The following CDYL variants were observed in gnomAD, a reference collection of about 807,000 sequenced individuals.
The protein encoded by CDYL is chromodomain Y-like protein.
In CDYL, 8 loss-of-function variants were observed where a neutral mutation model predicts 47.3. The observed-to-expected ratio is 0.17, with a 90% confidence interval of 0.10 to 0.31. CDYL has a LOEUF of 0.31. Among genes scored for constraint, CDYL ranks in the 10% least tolerant of loss-of-function variants. The probability of loss-of-function intolerance (pLI) is 1.00; values close to 1 mark genes in which losing one functional copy is unlikely to be tolerated. For missense variants in CDYL, 471 were observed against 701.4 expected (o/e 0.67, Z 3.71); for synonymous variants, 266 against 265.0 (o/e 1.00, Z -0.04).
intron 2 of CDYL, among the ~76,000 whole-genome samples, chr6:4,924,900 C>T (rs1757822170): frequency 6.6e-6 from 1 of 152,146 alleles, no homozygotes; most frequent in Admixed American, 6.5e-5. Context: ...GAAACAGTAG[C>T]ACAATTTCAA....
intron 1 of CDYL, among the ~76,000 whole-genome samples, chr6:4,777,091 G>C (rs1202695143): frequency 6.7e-6 from 1 of 149,516 alleles, no homozygotes; most frequent in African/African-American, 2.5e-5. Flanking sequence ...TGAGCTCAAA[G>C]TGCTCTTGGC....
rs1163515802 is a variant in CDYL, at chr6:4,895,405, ATG to A, written c.691+3028_691+3029del. 0.045 allele frequency among the ~76,000 whole-genome samples: 208 copies of A among 4,670 alleles called. 91 individuals carry two copies. The Non-Finnish European group carries it at 0.67, about 15-fold the overall frequency. 3.1% of individuals were successfully genotyped at this position (4,670 alleles called of 152,430 possible). A position where few individuals can be genotyped will look rare whatever the true frequency, so the allele number is the denominator to read the frequency against. ...TATATGTGCATATATGCATGTATAC[ATG>A]TATACGTATATATGCATGTATACAT... is the stretch of plus-strand genomic sequence containing the variant. On this transcript the variant is annotated intron_variant, in intron 2 of 6. Coordinates refer to ENST00000397588, the MANE Select transcript of CDYL (RefSeq NM_004824.4).
At chr6:4,854,369 C>G (rs1760943094) in intron 1 of CDYL, among the ~76,000 whole-genome samples, 1 of 152,204 alleles carries the variant, frequency 6.6e-6, no homozygotes, top group Non-Finnish European at 1.5e-5. Context: ...TCATACTAGT[C>G]ATGTATTTAC....
intron 2 of CDYL, among the ~76,000 whole-genome samples, chr6:4,901,581 A>G (rs1168348058): frequency 6.6e-6 from 1 of 152,180 alleles, no homozygotes; most frequent in African/African-American, 2.4e-5. Context: ...GAGTGATTTG[A>G]TCAAATCACT....
rs776663806 is a variant in CDYL, at chr6:4,891,920, A to G, written c.232A>G (p.Asn78Asp). The change falls in exon 2 of 7, where the codon AAT (asparagine) becomes GAT (aspartate). Residue 78 changes from asparagine (N) to aspartate (D), a missense_variant. Transcript: ENST00000397588. ...LTRTNRTSPNNARKQISRSTN... is the reference protein window; with the variant it reads ...LTRTNRTSPNDARKQISRSTN... Reference sequence around the variant, plus strand: ...CAGAACAAACAGGACCTCTCCCAACAATGCTAGGAAACAAATCTCCAGATC... The same window carrying G: ...CAGAACAAACAGGACCTCTCCCAACGATGCTAGGAAACAAATCTCCAGATC... The G allele has an allele frequency of 6.2e-7, 1 of 1,614,120 alleles. No homozygotes were observed.
At chr6:4,922,855 G>A (rs1180970955) in intron 2 of CDYL, among the ~76,000 whole-genome samples, 3 of 152,104 alleles carry the variant, frequency 2.0e-5, no homozygotes, top group South Asian at 2.1e-4. Flanking sequence ...GCCCAGCCTC[G>A]GGGTGCGTCT....
At chr6:4,916,312 A>G (rs1757555084) in intron 2 of CDYL, among the ~76,000 whole-genome samples, 1 of 152,216 alleles carries the variant, frequency 6.6e-6, no homozygotes. Flanking sequence ...CTTTTTTACA[A>G]ACTGCATACC....
intron 1 of CDYL, among the ~76,000 whole-genome samples, chr6:4,848,980 A>G (rs1194505889): frequency 6.6e-6 from 1 of 152,270 alleles, no homozygotes; most frequent in Non-Finnish European, 1.5e-5. Context: ...AACAGCAAAG[A>G]TTAAAAAGAT....
intron 1 of CDYL, among the ~76,000 whole-genome samples, chr6:4,857,567 A>G (rs556540035): frequency 5.3e-5 from 8 of 152,314 alleles, no homozygotes; most frequent in Non-Finnish European, 7.3e-5. Context: ...GTCCCTTCAG[A>G]ACAGGTAGAT....
intron 1 of CDYL, among the ~76,000 whole-genome samples, chr6:4,821,257 A>ATTTTTTTTTT (rs1561653727): frequency 8.0e-6 from 1 of 125,482 alleles, no homozygotes; most frequent in African/African-American, 3.2e-5. Context: ...TCATATGGGA[A>ATTTTTTTTTT]TTCTTTTTTT....
rs1200627791 is a variant in CDYL, at chr6:4,919,673, A to G, written c.692-15842A>G. Among the ~76,000 whole-genome samples the G allele has an allele frequency of 2.6e-5, 4 of 152,204 alleles. No homozygotes were observed. The South Asian group carries it at 6.2e-4, about 24-fold the overall frequency. On this transcript the variant is annotated intron_variant, in intron 2 of 6. Transcript: ENST00000397588. ...TACCTCCTTGTATCCCTGTTTCTCCATCCCAGGAGAACTAAAGTGAAGACA... is the reference window on the plus strand; with the variant it reads ...TACCTCCTTGTATCCCTGTTTCTCCGTCCCAGGAGAACTAAAGTGAAGACA...
chr6:4,880,192 C>T (rs1179203701), intron 1 of CDYL, among the ~76,000 whole-genome samples: 1 of 152,134 alleles, frequency 6.6e-6, no homozygotes, highest in Non-Finnish European at 1.5e-5. Context: ...TTTATGTTTC[C>T]TCCTACCCTC....
intron 2 of CDYL, among the ~76,000 whole-genome samples, chr6:4,901,766 A>T (rs1757062263): frequency 6.6e-6 from 1 of 152,190 alleles, no homozygotes; most frequent in Non-Finnish European, 1.5e-5. Flanking sequence ...AACTGAACCC[A>T]CAGTGGCTTA....
chr6:4,724,286 T>A (rs572705854), intron 2 of CDYL: 2 of 152,158 alleles, frequency 1.3e-5, no homozygotes, highest in African/African-American at 2.4e-5. Context: ...CCTGACTTCA[T>A]ATAATCCACC....
intron 1 of CDYL, among the ~76,000 whole-genome samples, chr6:4,799,475 G>C (rs1759165900): frequency 6.6e-6 from 1 of 151,750 alleles, no homozygotes. Flanking sequence ...TTTTAGGCAA[G>C]GTCTCACTCA....
At chr6:4,950,440 G>A (rs887936280) in intron 5 of CDYL, among the ~76,000 whole-genome samples, 3 of 152,174 alleles carry the variant, frequency 2.0e-5, no homozygotes, top group African/African-American at 7.2e-5. Flanking sequence ...GGAAAACCCC[G>A]ACAGCACAGA....
At chr6:4,889,126 G>C (rs1246900794) in intron 1 of CDYL, among the ~76,000 whole-genome samples, 1 of 152,164 alleles carries the variant, frequency 6.6e-6, no homozygotes, top group African/African-American at 2.4e-5. Flanking sequence ...GGAGCAGTTT[G>C]CCTGCCCCTG....
rs573201321 is a variant in CDYL at position 4,899,883 on chromosome 6, A to C, written c.691+7504A>C. On this transcript the variant is annotated intron_variant, in intron 2 of 6. Coordinates refer to ENST00000397588, the MANE Select transcript of CDYL (RefSeq NM_004824.4). Reference sequence around the variant, plus strand: ...GTCCCGTGACCATCTCACTCTGGATAGGGAACCAAGGTTTCTCAAGGAGTG... The same window carrying C: ...GTCCCGTGACCATCTCACTCTGGATCGGGAACCAAGGTTTCTCAAGGAGTG... Among the ~76,000 whole-genome samples, 7 of 152,310 alleles carry C rather than the reference A, an allele frequency of 4.6e-5. No individual in the cohort carries two copies. The East Asian group carries it at 1.3e-3, about 29-fold the overall frequency.
chr6:4,720,354 T>C (rs923684060), intron 2 of CDYL, among the ~76,000 whole-genome samples: 1 of 152,212 alleles, frequency 6.6e-6, no homozygotes, highest in Non-Finnish European at 1.5e-5. Context: ...TTTGGATTAG[T>C]GCATTTCCGT....
Sources: gnomAD v4.1 joint callset for allele counts (sites outside exome capture counted in the v4.1 genomes callset) on GRCh38, gnomAD v4.1.1 for gene constraint, MANE v1.5 for transcripts, NCBI Gene and HGNC (gene_info 2026-07-23, HGNC 2026-07-21) for gene names.